Variants in SRPK1 observed in about 807,000 individuals in gnomAD.
The protein encoded by SRPK1 is SRSF protein kinase 1.
Under a neutral mutation model 89.5 loss-of-function variants are expected in SRPK1, and 52 were observed. The observed-to-expected ratio is 0.58, with a 90% CI of 0.46 to 0.73. SRPK1 has a LOEUF of 0.73. Ranked by LOEUF, SRPK1 falls within the 30% of genes least tolerant of loss-of-function variation. The pLI is 0.00. For synonymous variants in SRPK1, 255 were observed against 270.2 expected (o/e 0.94, Z 0.55); for missense variants, 603 against 780.6 (o/e 0.77, Z 2.71).
chr6:35,841,257 G>C (rs1218127468), intron 14 of SRPK1, among the ~76,000 whole-genome samples: 1 of 152,004 alleles, frequency 6.6e-6, no homozygotes, highest in Non-Finnish European at 1.5e-5. Context: ...CACTTAAATA[G>C]GCATTCATGG....
chr6:35,901,608 C>G (rs1418649916), intron 2 of SRPK1, among the ~76,000 whole-genome samples: 1 of 152,172 alleles, frequency 6.6e-6, no homozygotes, highest in Non-Finnish European at 1.5e-5. Context: ...AATCCTAAGT[C>G]TCTTGAAGGA....
chr6:35,858,480 G>C (rs1581999314), intron 12 of SRPK1, among the ~76,000 whole-genome samples: 1 of 135,146 alleles, frequency 7.4e-6, no homozygotes, highest in East Asian at 2.0e-4. Flanking sequence ...TTCCACTGGG[G>C]GAAAAGTTTC....
intron 2 of SRPK1, among the ~76,000 whole-genome samples, chr6:35,910,379 C>CG (rs1770935398): frequency 6.6e-6 from 1 of 152,134 alleles, no homozygotes; most frequent in Admixed American, 6.5e-5. Context: ...CAATCCAGAG[C>CG]AAGGCCCTGG....
chr6:35,848,761 A>C (rs969876318), intron 13 of SRPK1, among the ~76,000 whole-genome samples: 3 of 152,214 alleles, frequency 2.0e-5, no homozygotes, highest in Non-Finnish European at 4.4e-5. Flanking sequence ...GGAAAAGGAT[A>C]GTCTCTTCAA....
At chr6:35,892,007 A>T (rs1309851801) in intron 2 of SRPK1, among the ~76,000 whole-genome samples, 1 of 152,176 alleles carries the variant, frequency 6.6e-6, no homozygotes, top group African/African-American at 2.4e-5. Flanking sequence ...AACAACTATT[A>T]ACATTTTGGA....
At chr6:35,920,936 G>T in intron 1 of SRPK1, 108 bp downstream of exon 1, 1 of 1,276,052 alleles carries the variant, frequency 7.8e-7, no homozygotes, top group Non-Finnish European at 1.1e-6. Flanking sequence ...GAGGGGCGCC[G>T]CACGTCCGGG....
chr6:35,848,872 C>A (rs1769478911), intron 13 of SRPK1, among the ~76,000 whole-genome samples: 1 of 152,150 alleles, frequency 6.6e-6, no homozygotes, highest in South Asian at 2.1e-4. Flanking sequence ...CTTAATAAGA[C>A]CTGAAACTGA....
chr6:35,865,988 T>C (rs1769888887), intron 12 of SRPK1, among the ~76,000 whole-genome samples: 1 of 151,646 alleles, frequency 6.6e-6, no homozygotes, highest in African/African-American at 2.4e-5. Flanking sequence ...GACTAACATC[T>C]AGAATTTACA....
intron 2 of SRPK1, among the ~76,000 whole-genome samples, chr6:35,917,268 G>A (rs1370028280): frequency 6.6e-6 from 1 of 152,166 alleles, no homozygotes; most frequent in East Asian, 1.9e-4. Flanking sequence ...CTCTCATTCA[G>A]AAGCCTCTTT....
chr6:35,906,683 C>CT (rs374064685), intron 2 of SRPK1, among the ~76,000 whole-genome samples: 17 of 152,272 alleles, frequency 1.1e-4, no homozygotes, highest in African/African-American at 3.9e-4. Flanking sequence ...AGGGGTATGA[C>CT]TGCTAATAGG....
At chr6:35,880,071 T>C (rs574958467) in intron 6 of SRPK1, among the ~76,000 whole-genome samples, 1 of 120,498 alleles carries the variant, frequency 8.3e-6, no homozygotes, top group South Asian at 2.9e-4. Flanking sequence ...CAAGACCTTG[T>C]CTCAGAAAAA....
At chr6:35,848,082 T>C (rs1769462838) in intron 13 of SRPK1, among the ~76,000 whole-genome samples, 1 of 152,216 alleles carries the variant, frequency 6.6e-6, no homozygotes, top group African/African-American at 2.4e-5. Context: ...ACTACAGGTA[T>C]GAGCCACTGT....
At chr6:35,871,786 T>C (rs1770041835) in intron 8 of SRPK1, among the ~76,000 whole-genome samples, 2 of 152,250 alleles carry the variant, frequency 1.3e-5, no homozygotes, top group East Asian at 1.9e-4. Flanking sequence ...TTGTTGCCTA[T>C]GCTCGAGTGC....
intron 13 of SRPK1, 45 bp from the exon 14 acceptor site, chr6:35,842,649 A>C: frequency 2.0e-6 from 3 of 1,501,802 alleles, no homozygotes; most frequent in Non-Finnish European, 2.7e-6. Flanking sequence ...AAAGAAAAGA[A>C]GGCCTTTGGA....
At chr6:35,904,332 A>G (rs1770803351) in intron 2 of SRPK1, among the ~76,000 whole-genome samples, 1 of 152,090 alleles carries the variant, frequency 6.6e-6, no homozygotes, top group East Asian at 1.9e-4. Context: ...TACGAGGCCC[A>G]TGGAACCATG....
chr6:35,859,389 A>AAAAAAG (rs961346772), intron 12 of SRPK1, among the ~76,000 whole-genome samples: 4 of 152,180 alleles, frequency 2.6e-5, no homozygotes, highest in Non-Finnish European at 5.9e-5. Flanking sequence ...TTGATAAGCA[A>AAAAAAG]AAAAAGAAAA....
At chr6:35,882,441 C>T (rs1371178398) in intron 6 of SRPK1, among the ~76,000 whole-genome samples, 1 of 152,042 alleles carries the variant, frequency 6.6e-6, no homozygotes, top group Non-Finnish European at 1.5e-5. Context: ...TTCAGCCTCC[C>T]AAGTAGCTGG....
At chr6:35,835,979 C>T (rs1769169383) in intron 15 of SRPK1, among the ~76,000 whole-genome samples, 1 of 151,984 alleles carries the variant, frequency 6.6e-6, no homozygotes, top group Admixed American at 6.6e-5. Context: ...CAAAAAAAAC[C>T]CCAAATCCTA....
chr6:35,892,206 A>G (rs1201488948), intron 2 of SRPK1, among the ~76,000 whole-genome samples: 5 of 151,070 alleles, frequency 3.3e-5, no homozygotes, highest in African/African-American at 9.9e-5. Context: ...TCATTTTATA[A>G]TGCATTAAAA....
Sources: gnomAD v4.1 joint callset for allele counts (sites outside exome capture counted in the v4.1 genomes callset) on GRCh38, gnomAD v4.1.1 for gene constraint, MANE v1.5 for transcripts, NCBI Gene and HGNC (gene_info 2026-07-23, HGNC 2026-07-21) for gene names.